CELF1: variants seen among roughly 807,000 people sequenced by gnomAD.
CELF1 encodes the protein 50 kDa nuclear polyadenylated RNA-binding protein.
A neutral mutation model predicts 61.8 loss-of-function variants in CELF1; 10 were observed. That is an observed-to-expected ratio of 0.16 (90% CI 0.10 to 0.27). The LOEUF is 0.27. Ranked by LOEUF, CELF1 falls within the 10% of genes least tolerant of loss-of-function variation. CELF1 has a pLI of 1.00. For synonymous variants in CELF1, 236 were observed against 225.1 expected (o/e 1.05, Z -0.43); for missense variants, 380 against 639.1 (o/e 0.59, Z 4.37).
At chr11:47,527,780 T>C (rs1480279654) in intron 1 of CELF1, among the ~76,000 whole-genome samples, 1 of 152,162 alleles carries the variant, frequency 6.6e-6, no homozygotes, top group Admixed American at 6.5e-5. Flanking sequence ...AAAATACTTG[T>C]GTGAAGGCAA....
intron 10 of CELF1, 49 bp downstream of exon 10, chr11:47,478,828 G>A (rs551235513): frequency 3.5e-6 from 5 of 1,435,488 alleles, no homozygotes; most frequent in Non-Finnish European, 4.9e-6. Context: ...TGTTAGCTGG[G>A]TCTGCTGGCC....
At chr11:47,508,980 G>C (rs1011876719) in intron 1 of CELF1, among the ~76,000 whole-genome samples, 1 of 152,116 alleles carries the variant, frequency 6.6e-6, no homozygotes, top group African/African-American at 2.4e-5. Flanking sequence ...TGTTGGTCAG[G>C]CTAGTCTCGA....
chr11:47,485,699 A>T (rs568417768), intron 6 of CELF1, among the ~76,000 whole-genome samples: 13 of 151,580 alleles, frequency 8.6e-5, no homozygotes, highest in Admixed American at 3.9e-4. Flanking sequence ...CTCCTGTCTC[A>T]GCCTCCTGAG....
intron 1 of CELF1, among the ~76,000 whole-genome samples, chr11:47,565,074 A>G (rs1223234433): frequency 6.6e-6 from 1 of 152,002 alleles, no homozygotes; most frequent in East Asian, 1.9e-4. Flanking sequence ...CCTCTGTTTG[A>G]AAGCTCTAAG....
chr11:47,473,593 AG>A (rs1319477017), intron 13 of CELF1, among the ~76,000 whole-genome samples: 1 of 152,228 alleles, frequency 6.6e-6, no homozygotes. Flanking sequence ...TAAACAAAAC[AG>A]GTTTCCAAAT....
chr11:47,502,794 T>C (rs964309867), intron 1 of CELF1, among the ~76,000 whole-genome samples: 1 of 152,122 alleles, frequency 6.6e-6, no homozygotes, highest in Non-Finnish European at 1.5e-5. Flanking sequence ...ATTGCGCCAC[T>C]GCACTCCAGC....
At chr11:47,489,733 T>C (rs1297029311) in intron 3 of CELF1, among the ~76,000 whole-genome samples, 1 of 152,132 alleles carries the variant, frequency 6.6e-6, no homozygotes, top group Non-Finnish European at 1.5e-5. Context: ...TAAGATTCCC[T>C]TACTGAGGGC....
chr11:47,532,053 CAG>C lies in CELF1; in HGVS notation c.-154+20937_-154+20938del, dbSNP rs575675207. ...TATTTTTATTTTTTTTTTTTTGAGA[CAG>C]AGTCTCGCTCTGTCGCCCAGGCTGG... On this transcript the variant is annotated intron_variant, in intron 1 of 14. Transcript: ENST00000687097. Among the ~76,000 whole-genome samples the C allele has an allele frequency of 6.7e-4, 101 of 149,926 alleles. 1 individual carries two copies. The South Asian group carries it at 0.019, about 29-fold the overall frequency.
At chr11:47,548,416 C>A (rs888808453) in intron 1 of CELF1, among the ~76,000 whole-genome samples, 2 of 152,148 alleles carry the variant, frequency 1.3e-5, no homozygotes, top group Non-Finnish European at 2.9e-5. Context: ...GGATATGACA[C>A]CAAGTGCGCA....
chr11:47,547,209 A>G (rs992851785), intron 1 of CELF1, among the ~76,000 whole-genome samples: 14 of 152,222 alleles, frequency 9.2e-5, no homozygotes, highest in Admixed American at 2.0e-4. Context: ...ACATGCTGAC[A>G]TATTTGTATT....
chr11:47,550,957 C>T (rs928171328), intron 1 of CELF1, among the ~76,000 whole-genome samples: 2 of 151,942 alleles, frequency 1.3e-5, no homozygotes, highest in African/African-American at 4.8e-5. Flanking sequence ...CAATCCAGGC[C>T]TAGTTCTAAC....
At chr11:47,497,209 C>G (rs1386668901) in intron 3 of CELF1, among the ~76,000 whole-genome samples, 1 of 152,186 alleles carries the variant, frequency 6.6e-6, no homozygotes, top group Non-Finnish European at 1.5e-5. Context: ...AAGTCTTAGA[C>G]CTCAGAAGAC....
In CELF1 at chr11:47,553,125, C is replaced by G. The variant is rs1295240098; in HGVS notation, c.-287G>C. 7 of 396,874 alleles carry G rather than the reference C, an allele frequency of 1.8e-5. No individual in the cohort carries two copies. Among genetic ancestry groups the G allele is most frequent in the Non-Finnish European group, 3.1e-5 (7 of 224,942 alleles). The allele number at this position is 396,874 out of a possible 1,614,324, so 24.6% of individuals were successfully genotyped here. A position where few individuals can be genotyped will look rare whatever the true frequency, so the allele number is the denominator to read the frequency against. On this transcript the variant is annotated 5_prime_UTR_variant, in exon 1 of 15. Coordinates refer to ENST00000687097, the MANE Select transcript of CELF1 (RefSeq NM_001376376.1). ...GCCGCCGCTGCCGCTGCCGCCAGAG[C>G]AGAACACCCCAAAATGGCGGCACTT... is the stretch of plus-strand genomic sequence containing the variant.
chr11:47,482,746 A>G lies in CELF1; in HGVS notation c.717T>C (p.Ser239=). Residue 239 remains serine (S), a synonymous_variant, in exon 9 of 15, where the codon TCT becomes TCC. Transcript: ENST00000687097. ...QQQMQQISAA[S]VWGNLAGLNT... ...TTAGACCAGCAAGGTTTCCCCACAC[A>G]GATGCTGCGCTGATTTGCTGCATCT... The G allele has an allele frequency of 1.9e-6, 3 of 1,614,166 alleles. No homozygotes were observed. Among genetic ancestry groups the G allele is most frequent in the Non-Finnish European group, 2.5e-6 (3 of 1,180,016 alleles).
intron 1 of CELF1, among the ~76,000 whole-genome samples, chr11:47,519,199 A>C (rs1162419223): frequency 3.3e-5 from 5 of 152,264 alleles, no homozygotes; most frequent in African/African-American, 1.2e-4. Flanking sequence ...TCACTTTTTA[A>C]AAAAAGTTAC....
At chr11:47,506,920 A>G (rs140125869) in intron 1 of CELF1, 27 of 152,304 alleles carry the variant, frequency 1.8e-4, no homozygotes, top group African/African-American at 6.0e-4. Context: ...GGAAAGAAAA[A>G]TAAGTGGGCC....
intron 3 of CELF1, chr11:47,494,573 CCT>C (rs2092691304): frequency 1.2e-6 from 1 of 845,784 alleles, no homozygotes; most frequent in Non-Finnish European, 1.4e-6. Context: ...TTTCTTTTCC[CCT>C]CTCAAAATTT....
intron 1 of CELF1, among the ~76,000 whole-genome samples, chr11:47,539,424 G>A (rs1271984732): frequency 6.6e-6 from 1 of 152,176 alleles, no homozygotes; most frequent in Non-Finnish European, 1.5e-5. Flanking sequence ...GGCCGATGCG[G>A]ACAGAACACC....
chr11:47,476,812 A>AAAGG (rs2080431005), intron 12 of CELF1, 34 bp downstream of exon 12: 1 of 1,509,296 alleles, frequency 6.6e-7, no homozygotes, highest in African/African-American at 1.4e-5. Flanking sequence ...CTGCACAAAG[A>AAAGG]ATAGTCTGAT....
Sources: gnomAD v4.1 joint callset for allele counts (sites outside exome capture counted in the v4.1 genomes callset) on GRCh38, gnomAD v4.1.1 for gene constraint, MANE v1.5 for transcripts, NCBI Gene and HGNC (gene_info 2026-07-23, HGNC 2026-07-21) for gene names.